Variants in FOXP1 observed in about 807,000 individuals in gnomAD.
FOXP1 encodes the protein forkhead box protein P1.
FOXP1 carries 15 observed loss-of-function variants against 98.2 expected under a neutral mutation model. The observed-to-expected ratio is 0.15, with a 90% CI of 0.10 to 0.24. FOXP1 has a LOEUF of 0.24. Among genes scored for constraint, FOXP1 ranks in the 10% least tolerant of loss-of-function variants. FOXP1 has a pLI of 1.00. For synonymous variants in FOXP1, 371 were observed against 314.5 expected, an observed-to-expected ratio of 1.18 and a Z score of -1.90; for missense variants, 633 against 848.5, an observed-to-expected ratio of 0.75 and a Z score of 3.15.
At chr3:71,223,971 T>C (rs899793182) in intron 5 of FOXP1, among the ~76,000 whole-genome samples, 20 of 152,302 alleles carry the variant, frequency 1.3e-4, no homozygotes, top group African/African-American at 4.8e-4. Context: ...CTCCCTAGTA[T>C]GGCAGCTGGT....
intron 2 of FOXP1, among the ~76,000 whole-genome samples, chr3:71,500,035 A>G (rs1222688157): frequency 6.6e-6 from 1 of 152,214 alleles, no homozygotes; most frequent in East Asian, 1.9e-4. Flanking sequence ...GATTTAACCA[A>G]ATGGGTCACT....
chr3:71,306,068 T>C (rs1456811337), intron 4 of FOXP1: 1 of 152,256 alleles, frequency 6.6e-6, no homozygotes, highest in Admixed American at 6.5e-5. Flanking sequence ...GCCACTGCCT[T>C]ACTCTAGATT....
At chr3:71,582,784 G>A in intron 1 of FOXP1, 9 of 985,344 alleles carry the variant, frequency 9.1e-6, no homozygotes, top group Non-Finnish European at 1.1e-5. Context: ...GGCTGGGGGT[G>A]CGCAGGTGCG....
chr3:71,297,633 T>TC (rs2073441030), intron 5 of FOXP1, among the ~76,000 whole-genome samples: 2 of 150,108 alleles, frequency 1.3e-5, no homozygotes, highest in South Asian at 2.1e-4. Flanking sequence ...TTTTTTTTTT[T>TC]CAGACAGAGT....
At chr3:71,236,112 T>C (rs1248297567) in intron 5 of FOXP1, among the ~76,000 whole-genome samples, 2 of 152,202 alleles carry the variant, frequency 1.3e-5, no homozygotes, top group African/African-American at 2.4e-5. Context: ...TGCTGACCTA[T>C]GCTCATGGAA....
intron 6 of FOXP1, among the ~76,000 whole-genome samples, chr3:71,156,134 T>C (rs2060811737): frequency 6.6e-6 from 1 of 151,972 alleles, no homozygotes; most frequent in Non-Finnish European, 1.5e-5. Flanking sequence ...AACGACTGAG[T>C]GATCTTTCAG....
intron 2 of FOXP1, among the ~76,000 whole-genome samples, chr3:71,538,100 A>G (rs1442326850): frequency 1.3e-5 from 2 of 152,228 alleles, no homozygotes; most frequent in Admixed American, 6.5e-5. Context: ...ATTAGCCAAA[A>G]GAGAGCACAA....
intron 5 of FOXP1, among the ~76,000 whole-genome samples, chr3:71,287,679 T>C (rs967783171): frequency 1.3e-5 from 2 of 151,130 alleles, no homozygotes; most frequent in Non-Finnish European, 3.0e-5. Context: ...ACTCAGGAGG[T>C]TGAGGCAGGA....
intron 5 of FOXP1, among the ~76,000 whole-genome samples, chr3:71,244,617 G>A (rs948482696): frequency 2.6e-5 from 4 of 152,158 alleles, no homozygotes; most frequent in Middle Eastern, 3.4e-3. Flanking sequence ...GCCACAGATC[G>A]GGGGTGTTTT....
intron 7 of FOXP1, among the ~76,000 whole-genome samples, chr3:71,105,143 T>C (rs980643981): frequency 2.6e-5 from 4 of 152,238 alleles, no homozygotes; most frequent in African/African-American, 7.2e-5. Flanking sequence ...AGTCCCATGA[T>C]GCCTAGCAAC....
chr3:71,344,143 A>C lies in FOXP1; in HGVS notation c.-73+15007T>G, dbSNP rs572599522. The stretch of plus-strand genomic sequence containing the variant: ...TCTCTGGTTGTGGCATTGCATACGC[A>C]TATCAGTACTAAGAATGTTCCAGGA... On this transcript the variant is annotated intron_variant, in intron 4 of 20. Coordinates refer to ENST00000649528, the MANE Select transcript of FOXP1 (RefSeq NM_001349338.3). 4.6e-5 allele frequency among the ~76,000 whole-genome samples: 7 copies of C among 152,304 alleles called. No homozygotes were observed. The East Asian group carries it at 9.6e-4, about 21-fold the overall frequency.
chr3:71,147,142 T>C (rs1449808655), intron 6 of FOXP1, among the ~76,000 whole-genome samples: 1 of 152,236 alleles, frequency 6.6e-6, no homozygotes, highest in African/African-American at 2.4e-5. Context: ...ATATTCTGGG[T>C]CTGCACCAAG....
intron 2 of FOXP1, among the ~76,000 whole-genome samples, chr3:71,534,293 G>A (rs1578057408): frequency 6.6e-6 from 1 of 152,142 alleles, no homozygotes. Context: ...GACCTGGGGG[G>A]GTGGAGGTTG....
chr3:71,448,966 G>C (rs951213968), intron 3 of FOXP1, among the ~76,000 whole-genome samples: 1 of 152,114 alleles, frequency 6.6e-6, no homozygotes, highest in African/African-American at 2.4e-5. Flanking sequence ...TCAAACCCTA[G>C]CTCCAATGAA....
chr3:70,986,000 TGCTGA>T (rs1266579774), intron 14 of FOXP1, among the ~76,000 whole-genome samples: 1 of 152,258 alleles, frequency 6.6e-6, no homozygotes, highest in Non-Finnish European at 1.5e-5. Context: ...AGAAATACTG[TGCTGA>T]GCTACTAAGA....
chr3:71,550,204 T>G (rs941342796), intron 2 of FOXP1, among the ~76,000 whole-genome samples: 6 of 152,128 alleles, frequency 3.9e-5, no homozygotes, highest in Non-Finnish European at 8.8e-5. Flanking sequence ...GAGACTTAGC[T>G]CTCTCATCTC....
At chr3:71,106,687 T>G (rs2057461721) in intron 7 of FOXP1, among the ~76,000 whole-genome samples, 1 of 151,866 alleles carries the variant, frequency 6.6e-6, no homozygotes, top group East Asian at 1.9e-4. Flanking sequence ...CTCAAACTCC[T>G]GAGCTCAAGA....
chr3:71,460,391 C>T (rs577953065), intron 3 of FOXP1, among the ~76,000 whole-genome samples: 1 of 152,028 alleles, frequency 6.6e-6, no homozygotes, highest in South Asian at 2.1e-4. Context: ...AGCCACCTAC[C>T]ACCATGCCCC....
intron 4 of FOXP1, among the ~76,000 whole-genome samples, chr3:71,349,910 A>C (rs2077668258): frequency 6.6e-6 from 1 of 152,182 alleles, no homozygotes; most frequent in Non-Finnish European, 1.5e-5. Context: ...TGAGGTTCAA[A>C]ATATTCCTTT....
Sources: allele counts gnomAD v4.1 joint callset (sites outside exome capture counted in the v4.1 genomes callset), GRCh38; gene constraint gnomAD v4.1.1; transcripts MANE v1.5; gene names NCBI Gene and HGNC (gene_info 2026-07-23, HGNC 2026-07-21).